The following CACNA2D3 variants were observed in gnomAD, a reference collection of about 807,000 sequenced individuals.
The protein encoded by CACNA2D3 is calcium voltage-gated channel auxiliary subunit alpha2delta 3, also known as voltage-dependent calcium channel subunit alpha-2/delta-3.
In CACNA2D3, 60 loss-of-function variants were observed where a neutral mutation model predicts 160.6. That is an observed-to-expected ratio of 0.37 (90% CI 0.30 to 0.46). The LOEUF is 0.46. Among genes scored for constraint, CACNA2D3 ranks in the 20% least tolerant of loss-of-function variants. The probability of loss-of-function intolerance (pLI) is 1.00; values close to 1 mark genes in which losing one functional copy is unlikely to be tolerated. For missense variants in CACNA2D3, 1,205 were observed against 1,365.0 expected, an observed-to-expected ratio of 0.88 and a Z score of 1.85; for synonymous variants, 558 against 492.9, an observed-to-expected ratio of 1.13 and a Z score of -1.75.
intron 4 of CACNA2D3, among the ~76,000 whole-genome samples, chr3:54,412,599 C>T (rs1699686381): frequency 1.7e-5 from 1 of 57,166 alleles, no homozygotes; most frequent in Admixed American, 1.5e-4. Flanking sequence ...GTCTGTAATT[C>T]TGGTCTTGTT....
chr3:54,580,533 G>C (rs1221050503), intron 8 of CACNA2D3, among the ~76,000 whole-genome samples: 1 of 152,104 alleles, frequency 6.6e-6, no homozygotes, highest in African/African-American at 2.4e-5. Flanking sequence ...GGGAGAGATG[G>C]TTCTGTTCTC....
chr3:54,428,626 C>T (rs1699943815), intron 4 of CACNA2D3, among the ~76,000 whole-genome samples: 1 of 151,482 alleles, frequency 6.6e-6, no homozygotes, highest in Non-Finnish European at 1.5e-5. Flanking sequence ...TCTTTGTGTC[C>T]ACCCAAATGG....
chr3:54,431,225 T>C (rs1457718893), intron 4 of CACNA2D3, among the ~76,000 whole-genome samples: 1 of 151,316 alleles, frequency 6.6e-6, no homozygotes, highest in Non-Finnish European at 1.5e-5. Context: ...TAATCCCAGC[T>C]ACTCAGGAGG....
At chr3:54,177,055 T>A (rs908415571) in intron 2 of CACNA2D3, among the ~76,000 whole-genome samples, 8 of 152,252 alleles carry the variant, frequency 5.3e-5, no homozygotes, top group African/African-American at 1.9e-4. Flanking sequence ...GTGTGAAATG[T>A]TGAGCTTATG....
intron 4 of CACNA2D3, among the ~76,000 whole-genome samples, chr3:54,441,667 A>G (rs1700146900): frequency 6.6e-6 from 1 of 152,180 alleles, no homozygotes; most frequent in African/African-American, 2.4e-5. Context: ...TAATTTTTGT[A>G]TAAGGTGTAT....
intron 3 of CACNA2D3, among the ~76,000 whole-genome samples, chr3:54,328,174 T>C (rs567450120): frequency 1.4e-4 from 21 of 152,352 alleles, no homozygotes; most frequent in African/African-American, 4.8e-4. Context: ...TGTTCCCACC[T>C]GTGTGGTTGG....
At chr3:54,375,146 C>T (rs1199098934) in intron 3 of CACNA2D3, among the ~76,000 whole-genome samples, 1 of 152,122 alleles carries the variant, frequency 6.6e-6, no homozygotes, top group Non-Finnish European at 1.5e-5. Flanking sequence ...CCTCCTTGTA[C>T]CCCGTAAGCC....
At chr3:54,539,149 T>C (rs1701932067) in intron 5 of CACNA2D3, among the ~76,000 whole-genome samples, 1 of 152,022 alleles carries the variant, frequency 6.6e-6, no homozygotes, top group Non-Finnish European at 1.5e-5. Flanking sequence ...CATGTTCCAC[T>C]AGCTCCTAGT....
At chr3:54,927,003 C>T (rs2106946100) in intron 27 of CACNA2D3, among the ~76,000 whole-genome samples, 1 of 152,272 alleles carries the variant, frequency 6.6e-6, no homozygotes, top group East Asian at 1.9e-4. Context: ...TGACAAACAT[C>T]TGCCAAGGGC....
At chr3:54,445,818 C>T (rs1466046568) in intron 4 of CACNA2D3, among the ~76,000 whole-genome samples, 5 of 152,248 alleles carry the variant, frequency 3.3e-5, no homozygotes, top group East Asian at 3.9e-4. Context: ...TGTGCTTATG[C>T]GGTTACTTCC....
chr3:54,933,405 C>T (rs1188045524), intron 27 of CACNA2D3, among the ~76,000 whole-genome samples: 2 of 152,168 alleles, frequency 1.3e-5, no homozygotes, highest in Admixed American at 6.5e-5. Flanking sequence ...AGGCTTCTTC[C>T]ACCTTTTGGC....
chr3:54,890,447 G>C (rs536452515), intron 24 of CACNA2D3, among the ~76,000 whole-genome samples: 2 of 135,102 alleles, frequency 1.5e-5, no homozygotes, highest in East Asian at 4.4e-4. Context: ...AGTGAGCCGA[G>C]ATAGCGCCAT....
chr3:54,816,063 C>G (rs528389343), intron 13 of CACNA2D3, among the ~76,000 whole-genome samples: 1 of 152,222 alleles, frequency 6.6e-6, no homozygotes, highest in East Asian at 1.9e-4. Flanking sequence ...TTTCCACATA[C>G]CTATTAATTT....
At chr3:54,993,902 GTGTGTGTGTGTGTGTGTGTTT>G (rs1387665140) in intron 31 of CACNA2D3, among the ~76,000 whole-genome samples, 4 of 146,086 alleles carry the variant, frequency 2.7e-5, no homozygotes, top group African/African-American at 1.0e-4. Context: ...GTGTGTGTGT[GTGTGTGTGTGTGTGTGTGTTT>G]TGTGTGTGTG....
At chr3:54,231,724 T>C (rs1701773123) in intron 2 of CACNA2D3, among the ~76,000 whole-genome samples, 1 of 152,238 alleles carries the variant, frequency 6.6e-6, no homozygotes, top group African/African-American at 2.4e-5. Context: ...AATGAATGAA[T>C]GTTTTTCACA....
Position 54,699,726 on chromosome 3 carries a change from C to T in CACNA2D3, c.1168-52873C>T, listed in dbSNP as rs564020277. Among the ~76,000 whole-genome samples the T allele has an allele frequency of 9.2e-5, 14 of 152,190 alleles. No homozygotes were observed. The South Asian group carries it at 1.7e-3, about 18-fold the overall frequency. ...GAGTGATTTAACCACTCTATGCCTC[C>T]GTTTGTAGCCTATATAAAATGAGGA... On this transcript the variant is annotated intron_variant, in intron 11 of 37. Transcript: ENST00000474759.
chr3:54,886,650 G>A (rs1699931594), intron 23 of CACNA2D3, among the ~76,000 whole-genome samples: 1 of 151,910 alleles, frequency 6.6e-6, no homozygotes, highest in Non-Finnish European at 1.5e-5. Context: ...TCCTACATAT[G>A]TAGGTATCTA....
intron 13 of CACNA2D3, among the ~76,000 whole-genome samples, chr3:54,778,704 T>C (rs1702470679): frequency 6.6e-6 from 1 of 152,220 alleles, no homozygotes; most frequent in African/African-American, 2.4e-5. Flanking sequence ...GTAGTAAGTA[T>C]ATGTATAGAA....
At chr3:54,890,192 T>C (rs1177209155) in intron 24 of CACNA2D3, among the ~76,000 whole-genome samples, 2 of 152,090 alleles carry the variant, frequency 1.3e-5, no homozygotes, top group Non-Finnish European at 2.9e-5. Flanking sequence ...ACATTTATTG[T>C]AGGATAAAAT....
Sources: gnomAD v4.1 joint callset for allele counts (sites outside exome capture counted in the v4.1 genomes callset) on GRCh38, gnomAD v4.1.1 for gene constraint, MANE v1.5 for transcripts, NCBI Gene and HGNC (gene_info 2026-07-23, HGNC 2026-07-21) for gene names.